The following ZNF407 variants were observed in gnomAD, a reference collection of about 807,000 sequenced individuals.
ZNF407 encodes zinc finger protein 407.
Under a neutral mutation model 131.2 loss-of-function variants are expected in ZNF407, and 17 were observed. The ratio of observed to expected loss-of-function variants is 0.13; its 90% CI spans 0.09 to 0.19. ZNF407 has a LOEUF of 0.19. ZNF407 is among the 10% of genes least tolerant of loss of function. The pLI, the probability that ZNF407 is intolerant of heterozygous loss-of-function variation, is 1.00. For synonymous variants in ZNF407, 1,156 were observed against 1,062.0 expected (o/e 1.09, Z -1.72); for missense variants, 2,681 against 2,830.6 (o/e 0.95, Z 1.20).
intron 3 of ZNF407, 115 bp downstream of exon 3, chr18:74,641,237 C>A: frequency 1.4e-6 from 1 of 702,650 alleles, no homozygotes; most frequent in South Asian, 1.7e-5. Context: ...TGCATGCGTA[C>A]CCTCCTTTCC....
intron 7 of ZNF407, among the ~76,000 whole-genome samples, chr18:74,902,365 G>C (rs1018450769): frequency 3.3e-5 from 5 of 152,192 alleles, no homozygotes. Flanking sequence ...CTCAGATCCC[G>C]GAGGAGATTG....
intron 3 of ZNF407, among the ~76,000 whole-genome samples, chr18:74,757,113 C>T (rs1297193247): frequency 6.6e-6 from 1 of 151,858 alleles, no homozygotes; most frequent in African/African-American, 2.4e-5. Flanking sequence ...TTTATTTCAT[C>T]CCTTCTGCTC....
At chr18:74,882,429 T>C (rs190792426) in intron 6 of ZNF407, among the ~76,000 whole-genome samples, 1 of 152,346 alleles carries the variant, frequency 6.6e-6, no homozygotes, top group Admixed American at 6.5e-5. Flanking sequence ...CAAAATGGCA[T>C]GAAATTAAAA....
intron 4 of ZNF407, among the ~76,000 whole-genome samples, chr18:74,796,757 G>A (rs987459446): frequency 6.6e-6 from 1 of 152,044 alleles, no homozygotes; most frequent in Non-Finnish European, 1.5e-5. Flanking sequence ...GGGTTTGAAC[G>A]TAATTCTATT....
At chr18:74,677,711 GTTATT>G (rs1390786102) in intron 3 of ZNF407, among the ~76,000 whole-genome samples, 4 of 151,972 alleles carry the variant, frequency 2.6e-5, no homozygotes. Context: ...TTTTAAAATT[GTTATT>G]TTAAAGTTTG....
Position 74,997,545 on chromosome 18 carries a change from C to T in ZNF407, c.5429-65605C>T, listed in dbSNP as rs1321033114. Among the ~76,000 whole-genome samples the T allele has an allele frequency of 2.0e-5, 3 of 152,214 alleles. No individual in the cohort carries two copies. In the South Asian group the frequency reaches 6.2e-4, roughly 32 times the overall value. On this transcript the variant is annotated intron_variant, in intron 8 of 8. Transcript: ENST00000299687. Reference sequence around the variant, plus strand: ...AATGTGCATGTTTGAGATTTTTGTCCTTGTGCCCTTTTTGTGTCCATGGGC... The same window carrying T: ...AATGTGCATGTTTGAGATTTTTGTCTTTGTGCCCTTTTTGTGTCCATGGGC...
chr18:74,975,020 T>G (rs1338132601), intron 8 of ZNF407, among the ~76,000 whole-genome samples: 1 of 152,220 alleles, frequency 6.6e-6, no homozygotes, highest in Non-Finnish European at 1.5e-5. Context: ...CTGTGCCCAT[T>G]AATACATACT....
intron 4 of ZNF407, among the ~76,000 whole-genome samples, chr18:74,805,774 T>C (rs1437115597): frequency 6.6e-6 from 1 of 152,206 alleles, no homozygotes; most frequent in Non-Finnish European, 1.5e-5. Context: ...TCTGCAATTT[T>C]AACTGGAACT....
intron 7 of ZNF407, among the ~76,000 whole-genome samples, chr18:74,916,275 GT>G (rs1458265572): frequency 1.6e-5 from 2 of 123,446 alleles, no homozygotes; most frequent in Non-Finnish European, 3.2e-5. Context: ...CGAATCGGGA[GT>G]GTGTGTGTGT....
chr18:74,718,159 A>G (rs1967940469), intron 3 of ZNF407, among the ~76,000 whole-genome samples: 2 of 152,120 alleles, frequency 1.3e-5, no homozygotes, highest in Non-Finnish European at 2.9e-5. Context: ...GAATACAGAT[A>G]AAAGAACGTT....
At chr18:75,008,600 T>G (rs1323061411) in intron 8 of ZNF407, among the ~76,000 whole-genome samples, 1 of 152,218 alleles carries the variant, frequency 6.6e-6, no homozygotes, top group African/African-American at 2.4e-5. Flanking sequence ...AGATTAAACA[T>G]TCTTTCTTAT....
chr18:74,656,766 T>G (rs1985476861), intron 3 of ZNF407, among the ~76,000 whole-genome samples: 1 of 152,162 alleles, frequency 6.6e-6, no homozygotes. Context: ...TGAGGAAGAT[T>G]GTTGAGTAAT....
intron 3 of ZNF407, among the ~76,000 whole-genome samples, chr18:74,726,377 C>T (rs1968158422): frequency 6.6e-6 from 1 of 152,166 alleles, no homozygotes; most frequent in Non-Finnish European, 1.5e-5. Context: ...ACCATCATGT[C>T]TGAATCATGA....
intron 3 of ZNF407, among the ~76,000 whole-genome samples, chr18:74,720,560 A>G (rs1968006124): frequency 1.3e-5 from 2 of 151,852 alleles, no homozygotes; most frequent in African/African-American, 2.4e-5. Flanking sequence ...GGTCTTACTC[A>G]TATAATATTT....
At chr18:74,629,543 T>G (rs1052274336) in intron 1 of ZNF407, among the ~76,000 whole-genome samples, 4 of 152,178 alleles carry the variant, frequency 2.6e-5, no homozygotes, top group Admixed American at 2.6e-4. Context: ...TCTTTTGAAG[T>G]TTTTAATTTT....
chr18:74,922,279 T>A (rs1189450902), intron 8 of ZNF407, among the ~76,000 whole-genome samples: 1 of 152,176 alleles, frequency 6.6e-6, no homozygotes, highest in Non-Finnish European at 1.5e-5. Context: ...GAGCTGCTCC[T>A]AGCAATGGCC....
Position 74,950,965 on chromosome 18 carries a change from G to C in ZNF407, c.5428+30273G>C, listed in dbSNP as rs1367400200. Among the ~76,000 whole-genome samples the C allele has an allele frequency of 1.9e-4, 29 of 152,094 alleles. 1 individual carries two copies. The highest frequency in any genetic ancestry group is 1.9e-3 in the Admixed American group (29 of 15,276). On this transcript the variant is annotated intron_variant, in intron 8 of 8. Transcript: ENST00000299687. ...TGATTGTCTCAACTGAAAATTTGCT[G>C]CCAAAATTTGGATTTTAATATTTTC...
At chr18:74,692,901 C>A (rs1468991076) in intron 3 of ZNF407, among the ~76,000 whole-genome samples, 1 of 152,140 alleles carries the variant, frequency 6.6e-6, no homozygotes, top group African/African-American at 2.4e-5. Context: ...TGCTTTATGG[C>A]AGAGAACTGC....
rs1419401928 is a variant in ZNF407 at position 74,989,164 on chromosome 18, C to T, written c.5428+68472C>T. Among the ~76,000 whole-genome samples, 5 of 152,186 alleles carry T rather than the reference C, an allele frequency of 3.3e-5. No homozygotes were observed. The East Asian group carries it at 7.7e-4, about 23-fold the overall frequency. ...AAGGCCTGAACTAACAACATGGATG[C>T]GCCTCAGCAATGTTATCCTGAGAGA... is the stretch of plus-strand genomic sequence containing the variant. On this transcript the variant is annotated intron_variant, in intron 8 of 8. Transcript: ENST00000299687.
Sources: gnomAD v4.1 joint callset for allele counts (sites outside exome capture counted in the v4.1 genomes callset) on GRCh38, gnomAD v4.1.1 for gene constraint, MANE v1.5 for transcripts, NCBI Gene and HGNC (gene_info 2026-07-23, HGNC 2026-07-21) for gene names.